Variants in CNST observed in about 807,000 individuals in gnomAD.
CNST encodes the protein consortin.
In CNST, 39 loss-of-function variants were observed where a neutral mutation model predicts 72.4. The ratio of observed to expected loss-of-function variants is 0.54; its 90% confidence interval spans 0.42 to 0.70. CNST has a LOEUF of 0.70. CNST is among the 30% of genes least tolerant of loss of function. The pLI, the probability that CNST is intolerant of heterozygous loss-of-function variation, is 0.00. For missense variants in CNST, 871 were observed against 868.5 expected (o/e 1.00, Z -0.04); for synonymous variants, 332 against 320.1 (o/e 1.04, Z -0.40).
intron 8 of CNST, among the ~76,000 whole-genome samples, chr1:246,645,424 CTT>C (rs1553384186): frequency 1.9e-5 from 2 of 106,104 alleles, no homozygotes; most frequent in African/African-American, 3.3e-5. Flanking sequence ...AAGGTTAAAA[CTT>C]TTTTTTTTTT....
chr1:246,584,138 C>T (rs1052627597), intron 1 of CNST, among the ~76,000 whole-genome samples: 7 of 152,148 alleles, frequency 4.6e-5, no homozygotes, highest in African/African-American at 1.2e-4. Flanking sequence ...GATGGGGTCT[C>T]GCTTCAAGAC....
In CNST at chr1:246,665,872, G is replaced by A. The variant is rs1359969676; in HGVS notation, c.2145G>A (p.Val715=). 2 of 1,613,570 alleles carry A rather than the reference G, an allele frequency of 1.2e-6. No homozygotes were observed. The highest frequency in any genetic ancestry group is 1.7e-6 in the Non-Finnish European group (2 of 1,179,726). ...DFYYTKLLQG[V]AELKHWIYLS is the part of the protein sequence containing the mutation. The stretch of plus-strand genomic sequence containing the variant: ...ATTACACTAAGTTACTTCAGGGAGT[G>A]GCAGAACTGAAGCACTGGATCTACC... Residue 715 remains valine, a synonymous_variant, in exon 11 of 11, where the codon GTG becomes GTA. Coordinates refer to ENST00000366513, the MANE Select transcript of CNST (RefSeq NM_152609.3).
At chr1:246,590,238 G>A (rs577825176) in intron 1 of CNST, among the ~76,000 whole-genome samples, 14 of 152,246 alleles carry the variant, frequency 9.2e-5, no homozygotes, top group Non-Finnish European at 1.6e-4. Flanking sequence ...CGTGGGGAGC[G>A]TGACTGGGGG....
At chr1:246,572,553 T>G (rs1003731862) in intron 1 of CNST, among the ~76,000 whole-genome samples, 3 of 151,888 alleles carry the variant, frequency 2.0e-5, no homozygotes, top group African/African-American at 7.3e-5. Context: ...ATCTCACTGT[T>G]TTGCCCAGGC....
Position 246,586,109 on chromosome 1 carries a change from A to ATGTGTGTG in CNST, c.-51-5402_-51-5401insGTGTGTGT, listed in dbSNP as rs371447612. On this transcript the variant is annotated intron_variant, in intron 1 of 10. Coordinates refer to ENST00000366513, the MANE Select transcript of CNST (RefSeq NM_152609.3). ...GAGAGGGGGAGATATATATATATAT[A>ATGTGTGTG]TATGTGTGTGTGTGTGTGTGTGTGT... Among the ~76,000 whole-genome samples the ATGTGTGTG allele has an allele frequency of 5.9e-3, 726 of 122,148 alleles. 7 individuals carry two copies. Among genetic ancestry groups the ATGTGTGTG allele is most frequent in the Middle Eastern group, 0.023 (5 of 222 alleles). 80.1% of individuals were successfully genotyped at this position (122,148 alleles called of 152,430 possible).
Position 246,627,270 on chromosome 1 carries a change from G to A in CNST, c.586-4624G>A, listed in dbSNP as rs564788174. The stretch of plus-strand genomic sequence containing the variant: ...TAGAATAAAAGCCAAAATCCTTACC[G>A]TGGCCTACAAGGCCCTACATGATCT... On this transcript the variant is annotated intron_variant, in intron 3 of 10. Coordinates refer to ENST00000366513, the MANE Select transcript of CNST (RefSeq NM_152609.3). 4.6e-5 allele frequency among the ~76,000 whole-genome samples: 7 copies of A among 152,268 alleles called. No homozygotes were observed. In the East Asian group the frequency reaches 9.6e-4, roughly 21 times the overall value.
At chr1:246,621,097 A>G (rs1267207720) in intron 2 of CNST, among the ~76,000 whole-genome samples, 1 of 152,228 alleles carries the variant, frequency 6.6e-6, no homozygotes, top group Non-Finnish European at 1.5e-5. Context: ...GTATTTCAGT[A>G]GCTGTTAGTT....
At chr1:246,571,078 T>C (rs1474580039) in intron 1 of CNST, among the ~76,000 whole-genome samples, 3 of 152,202 alleles carry the variant, frequency 2.0e-5, no homozygotes, top group Non-Finnish European at 4.4e-5. Flanking sequence ...GAAATAATTG[T>C]TTGTAATATT....
At chr1:246,653,071 A>G (rs1361677063) in intron 9 of CNST, among the ~76,000 whole-genome samples, 2 of 152,014 alleles carry the variant, frequency 1.3e-5, no homozygotes, top group Admixed American at 1.3e-4. Context: ...CTCTGTCTAG[A>G]TTAGCAACAT....
At chr1:246,664,264 C>T (rs1236449059) in intron 10 of CNST, among the ~76,000 whole-genome samples, 2 of 152,138 alleles carry the variant, frequency 1.3e-5, no homozygotes, top group Non-Finnish European at 1.5e-5. Context: ...AACCCTGCTG[C>T]AGTGAACAAG....
intron 2 of CNST, chr1:246,608,024 T>G (rs2103054064): frequency 6.6e-6 from 1 of 152,220 alleles, no homozygotes; most frequent in South Asian, 2.1e-4. Context: ...AACATTGCAG[T>G]GAGCCGAGAT....
chr1:246,613,489 A>T (rs1015411221), intron 2 of CNST, among the ~76,000 whole-genome samples: 1 of 151,730 alleles, frequency 6.6e-6, no homozygotes, highest in Non-Finnish European at 1.5e-5. Flanking sequence ...TTTTAATTTG[A>T]TCTAGTTTCA....
At chr1:246,657,501 AGGT>A (rs1344091656) in intron 9 of CNST, among the ~76,000 whole-genome samples, 3 of 152,250 alleles carry the variant, frequency 2.0e-5, no homozygotes, top group Non-Finnish European at 2.9e-5. Flanking sequence ...GCAAGAATTA[AGGT>A]ATTGTGACGG....
At chr1:246,621,303 T>C (rs1664072108) in intron 2 of CNST, 126 bp from the exon 3 acceptor site, 3 of 714,584 alleles carry the variant, frequency 4.2e-6, no homozygotes, top group East Asian at 2.5e-5. Context: ...TAAACACATT[T>C]ACCTTCCTGT....
intron 6 of CNST, among the ~76,000 whole-genome samples, chr1:246,639,898 C>A (rs962336742): frequency 2.6e-4 from 39 of 152,202 alleles, no homozygotes; most frequent in African/African-American, 9.4e-4. Flanking sequence ...GTGTCCCTGT[C>A]TGATGTAACT....
chr1:246,591,716 A>T lies in CNST; in HGVS notation c.154A>T (p.Thr52Ser). Residue 52 changes from threonine (T) to serine (S), a missense_variant, in exon 2 of 11, where the codon ACC becomes TCC. Transcript: ENST00000366513. ...TGACGGGGACGGGCATGAGCATCTG[A>T]CCAGCAGTGACAGTGCGATGGGAAA... ...QLDGDGHEHL[T>S]SSDSAMGKPQ... 6.2e-7 allele frequency: 1 copy of T among 1,614,162 alleles called. No homozygotes were observed. Among genetic ancestry groups the T allele is most frequent in the Non-Finnish European group, 8.5e-7 (1 of 1,180,032 alleles).
At chr1:246,570,752 A>C (rs1482325898) in intron 1 of CNST, among the ~76,000 whole-genome samples, 1 of 152,234 alleles carries the variant, frequency 6.6e-6, no homozygotes, top group Non-Finnish European at 1.5e-5. Context: ...TTAGTTGGAT[A>C]AGAGAAAATA....
chr1:246,617,002 A>G (rs757404395), intron 2 of CNST, among the ~76,000 whole-genome samples: 10 of 152,322 alleles, frequency 6.6e-5, no homozygotes, highest in Non-Finnish European at 1.2e-4. Flanking sequence ...TTAGTATATT[A>G]TAAAGACACA....
At chr1:246,646,616 G>GA (rs1666092957) in intron 8 of CNST, among the ~76,000 whole-genome samples, 1 of 152,102 alleles carries the variant, frequency 6.6e-6, no homozygotes, top group South Asian at 2.1e-4. Context: ...GAGTAGCTGG[G>GA]ATTACAGGCA....
Sources: gnomAD v4.1 joint callset for allele counts (sites outside exome capture counted in the v4.1 genomes callset) on GRCh38, gnomAD v4.1.1 for gene constraint, MANE v1.5 for transcripts, NCBI Gene and HGNC (gene_info 2026-07-23, HGNC 2026-07-21) for gene names.